SORBS2: variants seen among roughly 807,000 people sequenced by gnomAD.
SORBS2 encodes the protein sorbin and SH3 domain containing 2, also known as sorbin and SH3 domain-containing protein 2.
Under a neutral mutation model 97.7 loss-of-function variants are expected in SORBS2, and 46 were observed. The ratio of observed to expected loss-of-function variants is 0.47; its 90% CI spans 0.37 to 0.60. SORBS2 has a LOEUF of 0.60. Ranked by LOEUF, SORBS2 falls within the 20% of genes least tolerant of loss-of-function variation. SORBS2 has a pLI of 0.00. For missense variants in SORBS2, 1,316 were observed against 1,282.3 expected (o/e 1.03, Z -0.40); for synonymous variants, 476 against 473.4 (o/e 1.01, Z -0.07).
chr4:185,791,694 T>C (rs2099080773), intron 1 of SORBS2, among the ~76,000 whole-genome samples: 1 of 151,842 alleles, frequency 6.6e-6, no homozygotes, highest in Admixed American at 6.6e-5. Flanking sequence ...TCACACTAGA[T>C]ACTCTTAAAA....
At chr4:185,822,175 G>A (rs1009943143) in intron 1 of SORBS2, among the ~76,000 whole-genome samples, 10 of 152,230 alleles carry the variant, frequency 6.6e-5, no homozygotes, top group African/African-American at 2.4e-4. Context: ...TTCTTCACCT[G>A]CAGTATTCAG....
rs550695951 is a variant in SORBS2 at position 185,833,224 on chromosome 4, A to C, written c.-337-57858T>G. ...CACATTGTGTCCAAGTAATGTGAACATGTCTGGTTGGCACAGCTACAATAG... is the reference window on the plus strand; with the variant it reads ...CACATTGTGTCCAAGTAATGTGAACCTGTCTGGTTGGCACAGCTACAATAG... On this transcript the variant is annotated intron_variant, in intron 1 of 20. Coordinates refer to the SORBS2 transcript ENST00000284776. 2.7e-4 allele frequency among the ~76,000 whole-genome samples: 41 copies of C among 152,348 alleles called. 2 individuals carry two copies. In the South Asian group the frequency reaches 7.9e-3, roughly 29 times the overall value.
chr4:185,784,475 A>T (rs2099046893), intron 1 of SORBS2, among the ~76,000 whole-genome samples: 1 of 152,110 alleles, frequency 6.6e-6, no homozygotes, highest in South Asian at 2.1e-4. Flanking sequence ...TTGTAGACTG[A>T]AATGCAGATG....
chr4:185,626,115 C>G (rs776687790), intron 6 of SORBS2, among the ~76,000 whole-genome samples: 6 of 150,908 alleles, frequency 4.0e-5, no homozygotes, highest in Non-Finnish European at 8.8e-5. Context: ...AAATGGTCTT[C>G]CAGAAACCAG....
At chr4:185,809,528 A>G (rs1566346) in intron 1 of SORBS2, among the ~76,000 whole-genome samples, 147,353 of 148,992 alleles carry the variant, frequency 0.99, 72,889 homozygotes, top group Middle Eastern at 1. Flanking sequence ...TGATATTGCC[A>G]GCAGAAGAGT....
At chr4:185,792,938 C>T (rs190397988) in intron 1 of SORBS2, among the ~76,000 whole-genome samples, 121 of 152,310 alleles carry the variant, frequency 7.9e-4, no homozygotes, top group Admixed American at 1.4e-3. Context: ...AACTTCTCTG[C>T]GCCTGTTTCC....
chr4:185,942,395 G>A (rs1461092611), intron 1 of SORBS2, among the ~76,000 whole-genome samples: 1 of 150,560 alleles, frequency 6.6e-6, no homozygotes, highest in Non-Finnish European at 1.5e-5. Context: ...TTGTCACTCA[G>A]TCTGGAGTGC....
intron 2 of SORBS2, among the ~76,000 whole-genome samples, chr4:185,729,196 T>C (rs2098593935): frequency 6.6e-6 from 1 of 152,248 alleles, no homozygotes; most frequent in Admixed American, 6.5e-5. Context: ...TGTGGTGAAG[T>C]ATAAGTTCCA....
intron 4 of SORBS2, among the ~76,000 whole-genome samples, chr4:185,636,504 T>C (rs900212649): frequency 1.2e-4 from 18 of 152,168 alleles, no homozygotes; most frequent in African/African-American, 4.1e-4. Flanking sequence ...TCCTGATTTC[T>C]AAAAAAACTA....
chr4:185,783,690 G>T (rs2099042261), intron 1 of SORBS2, among the ~76,000 whole-genome samples: 2 of 152,186 alleles, frequency 1.3e-5, no homozygotes, highest in Non-Finnish European at 2.9e-5. Context: ...TGGCAGGCAT[G>T]AGAGGGAATA....
Position 185,677,497 on chromosome 4 carries a change from G to T in SORBS2, c.-46+926C>A, listed in dbSNP as rs577050185. 15 of 1,551,756 alleles carry T rather than the reference G, an allele frequency of 9.7e-6. No individual in the cohort carries two copies. The East Asian group carries it at 3.7e-4, about 38-fold the overall frequency. The stretch of plus-strand genomic sequence containing the variant: ...TCTTCATTGGAATACATAGTTCCCT[G>T]AAGAGGTTTTTTGTTAGCAAAGTAC... On this transcript the variant is annotated intron_variant, in intron 4 of 20. Transcript: ENST00000284776.
chr4:185,601,098 T>G (rs1212858349), intron 12 of SORBS2, among the ~76,000 whole-genome samples: 1 of 152,190 alleles, frequency 6.6e-6, no homozygotes, highest in African/African-American at 2.4e-5. Flanking sequence ...TTTTCTCAAC[T>G]CTCATTTAGA....
intron 1 of SORBS2, among the ~76,000 whole-genome samples, chr4:185,929,889 C>T (rs2099265612): frequency 6.6e-6 from 1 of 152,122 alleles, no homozygotes; most frequent in Non-Finnish European, 1.5e-5. Context: ...TGGGTTGAAT[C>T]TCATATTCTG....
At chr4:185,940,321 T>G (rs2099271266) in intron 1 of SORBS2, among the ~76,000 whole-genome samples, 1 of 152,180 alleles carries the variant, frequency 6.6e-6, no homozygotes, top group Non-Finnish European at 1.5e-5. Flanking sequence ...CTAGACAGAA[T>G]TACTGATTTA....
intron 2 of SORBS2, among the ~76,000 whole-genome samples, chr4:185,730,293 A>AG (rs1374990520): frequency 1.4e-5 from 2 of 141,714 alleles, no homozygotes; most frequent in Admixed American, 1.4e-4. Flanking sequence ...TTTTTTTTTT[A>AG]AAGGTCAATA....
chr4:185,922,273 C>T (rs1168176082), intron 1 of SORBS2, among the ~76,000 whole-genome samples: 2 of 132,754 alleles, frequency 1.5e-5, no homozygotes, highest in Non-Finnish European at 3.2e-5. Flanking sequence ...GGTCCTCTCC[C>T]CTTCCTCTCT....
chr4:185,673,319 A>G (rs886374140), intron 4 of SORBS2, among the ~76,000 whole-genome samples: 5 of 152,226 alleles, frequency 3.3e-5, no homozygotes, highest in African/African-American at 1.2e-4. Context: ...ATCTCATGTT[A>G]AATGTTCTTA....
intron 1 of SORBS2, among the ~76,000 whole-genome samples, chr4:185,844,399 C>T (rs980180402): frequency 1.2e-4 from 19 of 152,164 alleles, no homozygotes; most frequent in African/African-American, 4.6e-4. Flanking sequence ...AACACACCCA[C>T]AATAAGAGAG....
intron 1 of SORBS2, among the ~76,000 whole-genome samples, chr4:185,954,722 G>A (rs1169246762): frequency 6.6e-6 from 1 of 152,190 alleles, no homozygotes; most frequent in African/African-American, 2.4e-5. Flanking sequence ...CACTTTGGGA[G>A]GCTGAGGCAG....
Sources: gnomAD v4.1 joint callset for allele counts (sites outside exome capture counted in the v4.1 genomes callset) on GRCh38, gnomAD v4.1.1 for gene constraint, MANE v1.5 for transcripts, NCBI Gene and HGNC (gene_info 2026-07-23, HGNC 2026-07-21) for gene names.